The following EVL variants were observed in gnomAD, a reference collection of about 807,000 sequenced individuals.
EVL encodes the protein Enah/Vasp-like.
A neutral mutation model predicts 59.6 loss-of-function variants in EVL; 21 were observed. That is an observed-to-expected ratio of 0.35 (90% CI 0.25 to 0.51). The LOEUF is 0.51. EVL is among the 20% of genes least tolerant of loss of function. EVL has a pLI of 0.97. For missense variants in EVL, 462 were observed against 546.6 expected, an observed-to-expected ratio of 0.85 and a Z score of 1.54; for synonymous variants, 198 against 203.5, an observed-to-expected ratio of 0.97 and a Z score of 0.23.
intron 1 of EVL, 87 bp from the exon 2 acceptor site, chr14:100,084,600 A>G (rs2062395208): frequency 7.2e-7 from 1 of 1,394,262 alleles, no homozygotes; most frequent in Admixed American, 2.1e-5. Flanking sequence ...TATGTCAAGT[A>G]GCAATTGGCC....
chr14:100,075,454 G>T (rs956357716), intron 1 of EVL, among the ~76,000 whole-genome samples: 1 of 152,228 alleles, frequency 6.6e-6, no homozygotes, highest in Non-Finnish European at 1.5e-5. Flanking sequence ...TTTACAAACT[G>T]CCTCAGTCTG....
At chr14:99,975,016 T>TCCTTGGCCTTGG (rs143321280) in intron 1 of EVL, 4 of 152,850 alleles carry the variant, frequency 2.6e-5, no homozygotes, top group African/African-American at 9.7e-5. Flanking sequence ...GGGGACCTAC[T>TCCTTGGCCTTGG]CCTTGGCCTT....
intron 1 of EVL, among the ~76,000 whole-genome samples, chr14:100,041,707 T>G (rs915630313): frequency 6.6e-6 from 1 of 152,256 alleles, no homozygotes; most frequent in Non-Finnish European, 1.5e-5. Context: ...ATATTTTCAG[T>G]TGGGTATTGC....
At chr14:100,141,834 GC>G (rs774814447) in intron 13 of EVL, 41 bp downstream of exon 13, 2 of 1,600,088 alleles carry the variant, frequency 1.2e-6, no homozygotes, top group South Asian at 2.2e-5. Context: ...CCCAGGTGTG[GC>G]CGCAGGACAA....
chr14:99,993,689 T>A (rs541362837), intron 1 of EVL, among the ~76,000 whole-genome samples: 39 of 133,318 alleles, frequency 2.9e-4, no homozygotes, highest in African/African-American at 1.1e-3. Context: ...TTCTTTCTTT[T>A]TTTTTTTTTT....
rs548807143 is a variant in EVL at position 100,109,826 on chromosome 14, C to T, written c.358+12168C>T. 2.3e-5 allele frequency: 10 copies of T among 438,646 alleles called. No individual in the cohort carries two copies. The highest frequency in any genetic ancestry group is 1.0e-4 in the South Asian group (6 of 58,422). The allele number at this position is 438,646 out of a possible 1,614,324, so 27.2% of individuals were successfully genotyped here. A position where few individuals can be genotyped will look rare whatever the true frequency, so the allele number is the denominator to read the frequency against. On this transcript the variant is annotated intron_variant, in intron 3 of 13. Transcript: ENST00000392920. This position sits in a 1 kb window ranked among gnomAD's most constrained non-coding sequence, Gnocchi z 4.3. ...GAAGGGCCTTCAGCTGCTGTGGCCC[C>T]GAGGTGTGCATACTGTGGAAGGAAC...
intron 1 of EVL, among the ~76,000 whole-genome samples, chr14:100,054,204 G>A (rs1046371225): frequency 2.6e-5 from 4 of 151,882 alleles, no homozygotes; most frequent in South Asian, 2.1e-4. Context: ...ATAGGCACGC[G>A]CCACCACACC....
intron 1 of EVL, among the ~76,000 whole-genome samples, chr14:100,080,199 A>G (rs1408264008): frequency 6.6e-6 from 1 of 152,110 alleles, no homozygotes. Flanking sequence ...CATAAAATAC[A>G]CTAACATTAA....
intron 1 of EVL, among the ~76,000 whole-genome samples, chr14:100,023,179 T>A (rs1265143976): frequency 2.0e-5 from 3 of 151,160 alleles, no homozygotes; most frequent in African/African-American, 4.9e-5. Flanking sequence ...TAGACACAGG[T>A]CACTTGTCCT....
At chr14:100,074,948 A>T (rs1358466184) in intron 1 of EVL, 8 of 152,344 alleles carry the variant, frequency 5.3e-5, no homozygotes, top group Admixed American at 5.2e-4. Flanking sequence ...TCATAGTGTG[A>T]GAGAGTTCTC....
At chr14:100,122,260 G>T (rs1299251340) in intron 3 of EVL, among the ~76,000 whole-genome samples, 1 of 152,174 alleles carries the variant, frequency 6.6e-6, no homozygotes, top group Non-Finnish European at 1.5e-5. Context: ...CTGTCTGATT[G>T]AGTTTAAGAA....
chr14:100,074,089 T>G (rs147349776), intron 1 of EVL, among the ~76,000 whole-genome samples: 99 of 152,240 alleles, frequency 6.5e-4, no homozygotes, highest in Middle Eastern at 3.4e-3. Context: ...GGAAACTGAT[T>G]TCCCAACAGC....
At chr14:100,004,359 C>T (rs2060965072) in intron 1 of EVL, among the ~76,000 whole-genome samples, 1 of 152,120 alleles carries the variant, frequency 6.6e-6, no homozygotes, top group Non-Finnish European at 1.5e-5. Flanking sequence ...CCGAAAATGG[C>T]AAGATGCAAG....
intron 4 of EVL, 80 bp downstream of exon 4, chr14:100,123,682 A>G: frequency 1.4e-6 from 2 of 1,450,822 alleles, no homozygotes; most frequent in Non-Finnish European, 9.6e-7. Flanking sequence ...GCGGGTGAGG[A>G]TGCACCAGCA....
intron 9 of EVL, among the ~76,000 whole-genome samples, chr14:100,136,205 A>G (rs1384988746): frequency 6.6e-6 from 1 of 152,202 alleles, no homozygotes; most frequent in Non-Finnish European, 1.5e-5. Context: ...CCTGCGTGTC[A>G]CCTTCCCACC....
chr14:100,036,724 T>C (rs1305658863), intron 1 of EVL, among the ~76,000 whole-genome samples: 4 of 152,154 alleles, frequency 2.6e-5, no homozygotes, highest in African/African-American at 9.7e-5. Context: ...TTCAAAATTG[T>C]CAGACCACAG....
At chr14:99,987,492 C>T (rs1297056390) in intron 1 of EVL, among the ~76,000 whole-genome samples, 1 of 152,006 alleles carries the variant, frequency 6.6e-6, no homozygotes. Context: ...AAATACAAAA[C>T]TTAGCCTGGC....
rs1889373629 is a variant in EVL at position 100,144,031 on chromosome 14, C to G, written c.*293C>G. On this transcript the variant is annotated 3_prime_UTR_variant, in exon 14 of 14. Transcript: ENST00000392920. ...GTTTCTAGAGACGCCCCTAAGTCAC[C>G]TGCTTCATTAGACGGTTTCCAGGTT... is the stretch of plus-strand genomic sequence containing the variant. 2 of 458,066 alleles carry G rather than the reference C, an allele frequency of 4.4e-6. No individual in the cohort carries two copies. The highest frequency in any genetic ancestry group is 7.8e-6 in the Non-Finnish European group (2 of 256,776). The allele number at this position is 458,066 out of a possible 1,614,324, so 28.4% of individuals were successfully genotyped here. A position where few individuals can be genotyped will look rare whatever the true frequency, so the allele number is the denominator to read the frequency against.
intron 1 of EVL, among the ~76,000 whole-genome samples, chr14:100,083,814 T>C (rs1379621686): frequency 1.3e-5 from 2 of 152,216 alleles, no homozygotes; most frequent in East Asian, 3.8e-4. Flanking sequence ...ATACCATAAA[T>C]GAAGCATTTT....
Sources: gnomAD v4.1 joint callset for allele counts (sites outside exome capture counted in the v4.1 genomes callset) on GRCh38, gnomAD v4.1.1 for gene constraint, Gnocchi (gnomAD v3.1) non-coding constraint, MANE v1.5 for transcripts, NCBI Gene and HGNC (gene_info 2026-07-23, HGNC 2026-07-21) for gene names.